BEND4: variants seen among roughly 807,000 people sequenced by gnomAD.
The protein encoded by BEND4 is BEN domain containing 4.
In BEND4, 27 loss-of-function variants were observed where a neutral mutation model predicts 54.7. That is an observed-to-expected ratio of 0.49 (90% CI 0.36 to 0.68). The LOEUF is 0.68. BEND4 is among the 30% of genes least tolerant of loss of function. The pLI, the probability that BEND4 is intolerant of heterozygous loss-of-function variation, is 0.00. For missense variants in BEND4, 702 were observed against 697.2 expected (o/e 1.01, Z -0.08); for synonymous variants, 327 against 299.5 (o/e 1.09, Z -0.95).
Position 42,152,396 on chromosome 4 carries a change from A to G in BEND4, c.-233-20T>C, listed in dbSNP as rs1243898303. The G allele has an allele frequency of 7.5e-6, 2 of 268,446 alleles. No homozygotes were observed. The highest frequency in any genetic ancestry group is 1.4e-5 in the Non-Finnish European group (2 of 143,062). 16.6% of individuals were successfully genotyped at this position (268,446 alleles called of 1,614,324 possible). On this transcript the variant is annotated intron_variant, in intron 1 of 5. Transcript: ENST00000502486. ...CAATGCCTGGAGGGAGAAAGGAGGT[A>G]AAGAGCAAGTGTTTAGGGTAATATC...
At chr4:42,128,186 T>C (rs1245225053) in intron 3 of BEND4, among the ~76,000 whole-genome samples, 1 of 152,042 alleles carries the variant, frequency 6.6e-6, no homozygotes, top group Non-Finnish European at 1.5e-5. Context: ...AAAAGACGCA[T>C]ATGAAAAAAT....
At position 42,113,545 on chromosome 4, in the gene BEND4, T is replaced by G. The variant is rs1577740879; in HGVS notation, c.*3973A>C. 6.6e-6 allele frequency: 1 copy of G among 152,180 alleles called. No individual in the cohort carries two copies. Among genetic ancestry groups the G allele is most frequent in the East Asian group, 1.9e-4 (1 of 5,190 alleles). The allele number at this position is 152,180 out of a possible 1,614,324, so 9.4% of individuals were successfully genotyped here. The stretch of plus-strand genomic sequence containing the variant: ...CAGGGGAATGTAGGAATCATAAACC[T>G]ACAGATTCGAAGTCTGGGTTATTGC... On this transcript the variant is annotated 3_prime_UTR_variant, in exon 6 of 6. Coordinates refer to ENST00000502486, the MANE Select transcript of BEND4 (RefSeq NM_207406.4).
rs1013080635 is a variant in BEND4 at position 42,151,583 on chromosome 4, C to T, written c.487+74G>A. The stretch of plus-strand genomic sequence containing the variant: ...GCACGGGTAAGTGTCGGCGGCCCCC[C>T]GCTTCTCCTTCCTGGGTCCCCTCCC... On this transcript the variant is annotated intron_variant, in intron 2 of 5. Coordinates refer to ENST00000502486, the MANE Select transcript of BEND4 (RefSeq NM_207406.4). The T allele has an allele frequency of 1.4e-5, 20 of 1,380,768 alleles. No homozygotes were observed. The African/African-American group carries it at 2.3e-4, about 16-fold the overall frequency. The allele number at this position is 1,380,768 out of a possible 1,614,324, so 85.5% of individuals were successfully genotyped here. A position where few individuals can be genotyped will look rare whatever the true frequency, so the allele number is the denominator to read the frequency against.
intron 4 of BEND4, among the ~76,000 whole-genome samples, chr4:42,121,467 G>A (rs1220133449): frequency 6.6e-6 from 1 of 152,168 alleles, no homozygotes; most frequent in Non-Finnish European, 1.5e-5. Flanking sequence ...AGTCAGGCTG[G>A]GTTTTAATTG....
Position 42,151,757 on chromosome 4 carries a change from C to T in BEND4, c.387G>A (p.Ser129=). The T allele has an allele frequency of 6.7e-7, 1 of 1,499,274 alleles. No individual in the cohort carries two copies. Among genetic ancestry groups the T allele is most frequent in the Non-Finnish European group, 8.8e-7 (1 of 1,130,664 alleles). The allele number at this position is 1,499,274 out of a possible 1,614,324, so 92.9% of individuals were successfully genotyped here. Residue 129 remains serine (S), a synonymous_variant, in exon 2 of 6, where the codon TCG becomes TCA. Transcript: ENST00000502486. ...ACCTGACGACAGCGGCGAACGAAGA[C>T]GACGAGGAGGCGGCGGGGGACGCGG... ...PPPASPAASS[S]SSFAAVVRYG...
rs1408489815 is a variant in BEND4 at position 42,136,461 on chromosome 4, T to C, written c.1054+6967A>G. Among the ~76,000 whole-genome samples, 3 of 152,322 alleles carry C rather than the reference T, an allele frequency of 2.0e-5. No homozygotes were observed. In the East Asian group the frequency reaches 5.8e-4, roughly 29 times the overall value. On this transcript the variant is annotated intron_variant, in intron 3 of 5. Coordinates refer to ENST00000502486, the MANE Select transcript of BEND4 (RefSeq NM_207406.4). ...CATTCATGGATTCGGTATTTGCAAA[T>C]TTGCTTTACTTACCAAAATGTATTT...
At chr4:42,125,527 T>C (rs1720239239) in intron 4 of BEND4, 56 bp downstream of exon 4, 1 of 1,356,314 alleles carries the variant, frequency 7.4e-7, no homozygotes, top group Non-Finnish European at 1.1e-6. Flanking sequence ...GATAAGTTAA[T>C]CAAGATACTT....
At chr4:42,126,629 T>C (rs79591832) in intron 3 of BEND4, among the ~76,000 whole-genome samples, 4,012 of 152,294 alleles carry the variant, frequency 0.026, 182 homozygotes, top group African/African-American at 0.091. Context: ...GAGCATGACA[T>C]TTTTTTGTAC....
chr4:42,143,566 A>G lies in BEND4; in HGVS notation c.916T>C (p.Ser306Pro), dbSNP rs750479709. 1.9e-6 allele frequency: 3 copies of G among 1,565,994 alleles called. No homozygotes were observed. Among genetic ancestry groups the G allele is most frequent in the Non-Finnish European group, 2.6e-6 (3 of 1,155,244 alleles). ...TCCTCTTCTGGCAGTGTAGATGAAG[A>G]TGGGTGGCCATGGGATTCGGACGTT... ...PATSESHGHPSSSTLPEEEEE... is the reference protein window; with the variant it reads ...PATSESHGHPPSSTLPEEEEE... The change falls in exon 3 of 6, where the codon TCT becomes CCT. Residue 306 changes from serine (S) to proline (P), a missense_variant. By Grantham distance (74) the Ser-to-Pro change is moderately conservative (BLOSUM62 -1). Transcript: ENST00000502486.
chr4:42,147,462 C>T (rs1237303156), intron 2 of BEND4, among the ~76,000 whole-genome samples: 4 of 150,086 alleles, frequency 2.7e-5, no homozygotes, highest in Non-Finnish European at 3.0e-5. Context: ...ACTGTGAACA[C>T]GTATTATGAT....
intron 3 of BEND4, among the ~76,000 whole-genome samples, chr4:42,142,396 G>T (rs1028862567): frequency 1.3e-5 from 2 of 148,842 alleles, no homozygotes; most frequent in Non-Finnish European, 3.0e-5. Context: ...GAGATGGGTG[G>T]ATCACCTGAG....
chr4:42,118,038 C>G (rs1719914681), intron 5 of BEND4, among the ~76,000 whole-genome samples: 4 of 152,070 alleles, frequency 2.6e-5, no homozygotes, highest in African/African-American at 9.7e-5. Flanking sequence ...TGCACCATGT[C>G]TGGTGTAAGT....
At chr4:42,128,579 G>A (rs917943550) in intron 3 of BEND4, among the ~76,000 whole-genome samples, 2 of 151,222 alleles carry the variant, frequency 1.3e-5, no homozygotes, top group Admixed American at 6.6e-5. Flanking sequence ...AGCCAAGATC[G>A]CACCACTGCA....
intron 3 of BEND4, among the ~76,000 whole-genome samples, chr4:42,141,091 T>G (rs1720863524): frequency 6.6e-6 from 1 of 152,194 alleles, no homozygotes; most frequent in Admixed American, 6.5e-5. Flanking sequence ...CTGGTTCCAT[T>G]ACATTCTTCT....
intron 2 of BEND4, among the ~76,000 whole-genome samples, chr4:42,149,067 G>A (rs942821938): frequency 1.3e-5 from 2 of 152,048 alleles, no homozygotes; most frequent in African/African-American, 2.4e-5. Context: ...ACTCAGTTAC[G>A]TCTCTTCTTC....
At chr4:42,132,204 G>A (rs993892303) in intron 3 of BEND4, among the ~76,000 whole-genome samples, 2 of 152,192 alleles carry the variant, frequency 1.3e-5, no homozygotes, top group Non-Finnish European at 2.9e-5. Context: ...TTCTGTGGGG[G>A]ACTGTGGAGT....
chr4:42,116,445 T>C lies in BEND4; in HGVS notation c.*1073A>G, dbSNP rs1251093107. 1 of 152,154 alleles carries C rather than the reference T, an allele frequency of 6.6e-6. No homozygotes were observed. The highest frequency in any genetic ancestry group is 1.5e-5 in the Non-Finnish European group (1 of 68,020). 9.4% of individuals were successfully genotyped at this position (152,154 alleles called of 1,614,324 possible). A position where few individuals can be genotyped will look rare whatever the true frequency, so the allele number is the denominator to read the frequency against. On this transcript the variant is annotated 3_prime_UTR_variant, in exon 6 of 6. Transcript: ENST00000502486. Reference sequence around the variant, plus strand: ...GACTTAGCCATAGCTAAGGGGTACATTGGGGTAAAGGAGGCACGGAGGGGA... The same window carrying C: ...GACTTAGCCATAGCTAAGGGGTACACTGGGGTAAAGGAGGCACGGAGGGGA...
At chr4:42,125,528 C>T in intron 4 of BEND4, 55 bp downstream of exon 4, 1 of 1,367,668 alleles carries the variant, frequency 7.3e-7, no homozygotes, top group Non-Finnish European at 1.0e-6. Flanking sequence ...ATAAGTTAAT[C>T]AAGATACTTA....
At chr4:42,147,463 G>GT (rs1317150310) in intron 2 of BEND4, among the ~76,000 whole-genome samples, 1 of 149,250 alleles carries the variant, frequency 6.7e-6, no homozygotes, top group Non-Finnish European at 1.5e-5. Context: ...CTGTGAACAC[G>GT]TATTATGATT....
Sources: allele counts gnomAD v4.1 joint callset (sites outside exome capture counted in the v4.1 genomes callset), GRCh38; gene constraint gnomAD v4.1.1; transcripts MANE v1.5; gene names NCBI Gene and HGNC (gene_info 2026-07-23, HGNC 2026-07-21).